Variants in VOPP1 observed in about 807,000 individuals in gnomAD.
The protein encoded by VOPP1 is VOPP1 WW domain binding protein.
In VOPP1, 8 loss-of-function variants were observed where a neutral mutation model predicts 23.5. The ratio of observed to expected loss-of-function variants is 0.34; its 90% CI spans 0.20 to 0.61. VOPP1 has a LOEUF of 0.61. Ranked by LOEUF, VOPP1 falls within the 20% of genes least tolerant of loss-of-function variation. The pLI, the probability that VOPP1 is intolerant of heterozygous loss-of-function variation, is 0.78. For missense variants in VOPP1, 174 were observed against 238.1 expected (o/e 0.73, Z 1.77); for synonymous variants, 83 against 97.3 (o/e 0.85, Z 0.86).
At chr7:55,572,032 G>A (rs896713713) in intron 1 of VOPP1, among the ~76,000 whole-genome samples, 3 of 152,154 alleles carry the variant, frequency 2.0e-5, no homozygotes, top group African/African-American at 7.2e-5. Context: ...CACCCGCAGG[G>A]TGGGGGCGGG....
intron 2 of VOPP1, among the ~76,000 whole-genome samples, chr7:55,515,206 T>C (rs1795324367): frequency 6.6e-6 from 1 of 152,108 alleles, no homozygotes; most frequent in Non-Finnish European, 1.5e-5. Flanking sequence ...ATGGAGATGG[T>C]GACATTTCTT....
At chr7:55,551,603 T>C (rs1286104529) in intron 1 of VOPP1, among the ~76,000 whole-genome samples, 3 of 151,766 alleles carry the variant, frequency 2.0e-5, no homozygotes, top group African/African-American at 7.3e-5. Context: ...CCCCTTCCCT[T>C]AGGAAAAAGG....
At chr7:55,522,088 G>T (rs929021104) in intron 1 of VOPP1, among the ~76,000 whole-genome samples, 2 of 152,192 alleles carry the variant, frequency 1.3e-5, no homozygotes, top group African/African-American at 4.8e-5. Flanking sequence ...AGGCAGGGCC[G>T]TCCTGCCCAA....
intron 4 of VOPP1, 121 bp from the exon 5 acceptor site, chr7:55,473,166 G>A (rs1791967908): frequency 7.1e-7 from 1 of 1,418,348 alleles, no homozygotes; most frequent in African/African-American, 1.5e-5. Flanking sequence ...GTGTATGAAG[G>A]ACCCAACATG....
chr7:55,477,550 G>A lies in VOPP1; in HGVS notation c.329-4505C>T, dbSNP rs116931011. On this transcript the variant is annotated intron_variant, in intron 4 of 4. Transcript: ENST00000285279. ...CCCCTGCTGCAGGTGAGGGAGGGGCGGGAGTGTGGTCTTTGTAGAAGAGAG... is the reference window on the plus strand; with the variant it reads ...CCCCTGCTGCAGGTGAGGGAGGGGCAGGAGTGTGGTCTTTGTAGAAGAGAG... Among the ~76,000 whole-genome samples, 30 of 152,306 alleles carry A rather than the reference G, an allele frequency of 2.0e-4. No homozygotes were observed. The East Asian group carries it at 4.6e-3, about 24-fold the overall frequency.
chr7:55,522,348 A>G (rs1315330688), intron 1 of VOPP1, among the ~76,000 whole-genome samples: 1 of 152,238 alleles, frequency 6.6e-6, no homozygotes, highest in Non-Finnish European at 1.5e-5. Context: ...GACACTCAGA[A>G]GCATACTCAG....
downstream of VOPP1, among the ~76,000 whole-genome samples, chr7:55,467,541 C>T (rs1791663868): frequency 1.3e-5 from 2 of 152,258 alleles, no homozygotes; most frequent in South Asian, 4.1e-4. Context: ...CAACCCACCT[C>T]CCTTCTCCTA....
intron 3 of VOPP1, 85 bp downstream of exon 3, chr7:55,497,528 C>A (rs189209170): frequency 8.0e-7 from 1 of 1,242,456 alleles, no homozygotes; most frequent in Non-Finnish European, 1.2e-6. Context: ...GTGAAGGTGT[C>A]GCATCCAAGG....
chr7:55,549,133 A>G (rs542395347), intron 1 of VOPP1, among the ~76,000 whole-genome samples: 2 of 152,222 alleles, frequency 1.3e-5, no homozygotes, highest in Non-Finnish European at 2.9e-5. Flanking sequence ...CCAGGCAGCT[A>G]GAGACCAGGT....
At chr7:55,445,422 G>A (rs1032936414) in intron 4 of VOPP1, among the ~76,000 whole-genome samples, 2 of 152,130 alleles carry the variant, frequency 1.3e-5, no homozygotes, top group African/African-American at 2.4e-5. Context: ...TATTGCACCT[G>A]AGAAAGCTAA....
In VOPP1 at chr7:55,572,334, C is replaced by G. The variant is rs1244247605; in HGVS notation, c.-10G>C. 6.9e-7 allele frequency: 1 copy of G among 1,443,230 alleles called. No individual in the cohort carries two copies. Among genetic ancestry groups the G allele is most frequent in the South Asian group, 1.4e-5 (1 of 73,890 alleles). The allele number at this position is 1,443,230 out of a possible 1,614,324, so 89.4% of individuals were successfully genotyped here. ...CAGGCTGGCGCCTCATGGCTCCTCG[C>G]GTCCTCTCCAGCGCGCCCGGACGCC... On this transcript the variant is annotated 5_prime_UTR_variant, in exon 1 of 5. Coordinates refer to ENST00000285279, the MANE Select transcript of VOPP1 (RefSeq NM_030796.5).
chr7:55,533,900 T>G (rs1420474864), intron 1 of VOPP1, among the ~76,000 whole-genome samples: 1 of 151,922 alleles, frequency 6.6e-6, no homozygotes, highest in Admixed American at 6.6e-5. Flanking sequence ...GGTAGGGAGG[T>G]AGATGAGTGA....
At chr7:55,503,265 G>A (rs1242395199) in intron 2 of VOPP1, among the ~76,000 whole-genome samples, 1 of 152,196 alleles carries the variant, frequency 6.6e-6, no homozygotes, top group Non-Finnish European at 1.5e-5. Flanking sequence ...GAGTCTACGG[G>A]CCACGATTTA....
chr7:55,537,990 C>T (rs1360026518), intron 1 of VOPP1, among the ~76,000 whole-genome samples: 3 of 152,216 alleles, frequency 2.0e-5, no homozygotes, highest in Non-Finnish European at 4.4e-5. Context: ...AAGGAGGCCC[C>T]AGGAGCCCCC....
chr7:55,563,538 C>T (rs1031840369), intron 1 of VOPP1, among the ~76,000 whole-genome samples: 2 of 152,166 alleles, frequency 1.3e-5, no homozygotes, highest in African/African-American at 2.4e-5. Context: ...TTGGATTTTG[C>T]ATCTCTTTGG....
At chr7:55,505,771 T>C (rs911948077) in intron 2 of VOPP1, among the ~76,000 whole-genome samples, 1 of 152,142 alleles carries the variant, frequency 6.6e-6, no homozygotes, top group African/African-American at 2.4e-5. Flanking sequence ...TGCTAAAGTA[T>C]TGATGATTAA....
intron 1 of VOPP1, chr7:55,538,705 G>A (rs1361449125): frequency 1.3e-6 from 2 of 1,526,644 alleles, no homozygotes; most frequent in African/African-American, 1.4e-5. Context: ...TGTTCATCAA[G>A]AGAGGGCGGA....
intron 1 of VOPP1, among the ~76,000 whole-genome samples, chr7:55,535,131 C>T (rs557226676): frequency 6.6e-6 from 1 of 152,352 alleles, no homozygotes; most frequent in Non-Finnish European, 1.5e-5. Flanking sequence ...CTAAACCTCT[C>T]AGCAGCCTTG....
intron 3 of VOPP1, 32 bp downstream of exon 3, chr7:55,497,581 G>C (rs773975227): frequency 1.3e-6 from 2 of 1,543,352 alleles, no homozygotes; most frequent in African/African-American, 2.7e-5. Flanking sequence ...CAGAGCTCTC[G>C]GGGTAGGGAA....
Sources: gnomAD v4.1 joint callset for allele counts (sites outside exome capture counted in the v4.1 genomes callset) on GRCh38, gnomAD v4.1.1 for gene constraint, MANE v1.5 for transcripts, NCBI Gene and HGNC (gene_info 2026-07-23, HGNC 2026-07-21) for gene names.